DLGAP1: variants seen among roughly 807,000 people sequenced by gnomAD.
The protein encoded by DLGAP1 is disks large-associated protein 1.
A neutral mutation model predicts 90.8 loss-of-function variants in DLGAP1; 11 were observed. That is an observed-to-expected ratio of 0.12 (90% CI 0.08 to 0.20). DLGAP1 has a LOEUF of 0.20. Among genes scored for constraint, DLGAP1 ranks in the 10% least tolerant of loss-of-function variants. DLGAP1 has a pLI of 1.00. For missense variants in DLGAP1, 1,050 were observed against 1,333.8 expected (o/e 0.79, Z 3.31); for synonymous variants, 558 against 540.7 (o/e 1.03, Z -0.44).
intron 7 of DLGAP1, among the ~76,000 whole-genome samples, chr18:3,652,507 A>AT (rs113196269): frequency 0.3 from 45,849 of 151,644 alleles, 7,622 homozygotes; most frequent in African/African-American, 0.45. Context: ...TTTACAAAAT[A>AT]TTTTTTGTAG....
chr18:4,050,281 T>A (rs2075115055), intron 2 of DLGAP1, among the ~76,000 whole-genome samples: 1 of 152,196 alleles, frequency 6.6e-6, no homozygotes. Flanking sequence ...AAAAATGCTA[T>A]CATTCCAAGT....
At chr18:4,135,866 C>A (rs9962594) in intron 2 of DLGAP1, among the ~76,000 whole-genome samples, 15,349 of 134,060 alleles carry the variant, frequency 0.11, 2,439 homozygotes, top group African/African-American at 0.37. Flanking sequence ...TATTATTCTT[C>A]TTATTATTTT....
rs572689192 is a variant in DLGAP1 at position 4,071,580 on chromosome 18, C to T, written c.-158-66379G>A. On this transcript the variant is annotated intron_variant, in intron 2 of 12. Transcript: ENST00000315677. ...CTCAGGAAAACTACACAGCCATCAC[C>T]GCATTCTAAGGTAGAATTACCTCTA... Among the ~76,000 whole-genome samples the T allele has an allele frequency of 9.9e-5, 15 of 151,716 alleles. No homozygotes were observed. The East Asian group carries it at 2.9e-3, about 30-fold the overall frequency.
At chr18:3,533,797 G>T (rs1469328672) in intron 10 of DLGAP1, among the ~76,000 whole-genome samples, 2 of 152,116 alleles carry the variant, frequency 1.3e-5, no homozygotes, top group Admixed American at 1.3e-4. Flanking sequence ...TATAGTAGAT[G>T]TATATATTCA....
At chr18:3,882,153 C>T (rs2071188633) in intron 3 of DLGAP1, among the ~76,000 whole-genome samples, 1 of 124,358 alleles carries the variant, frequency 8.0e-6, no homozygotes. Context: ...CAAGAGCTTT[C>T]TCTAAACAAA....
At chr18:3,760,424 T>G (rs1305610838) in intron 5 of DLGAP1, among the ~76,000 whole-genome samples, 3 of 152,224 alleles carry the variant, frequency 2.0e-5, no homozygotes, top group South Asian at 2.1e-4. Flanking sequence ...GGAATTAGTT[T>G]CTTTTTTTGG....
chr18:4,247,913 T>C (rs960591106), intron 1 of DLGAP1, among the ~76,000 whole-genome samples: 1 of 152,212 alleles, frequency 6.6e-6, no homozygotes, highest in Non-Finnish European at 1.5e-5. Flanking sequence ...CACTCTTATT[T>C]CTATTTGATC....
intron 1 of DLGAP1, among the ~76,000 whole-genome samples, chr18:4,207,933 C>A (rs372906281): frequency 6.6e-6 from 1 of 152,112 alleles, no homozygotes; most frequent in East Asian, 1.9e-4. Flanking sequence ...AGAAATCATC[C>A]GCATTTTTTT....
chr18:3,549,834 T>C (rs748926007), intron 9 of DLGAP1, among the ~76,000 whole-genome samples: 1 of 152,204 alleles, frequency 6.6e-6, no homozygotes, highest in Non-Finnish European at 1.5e-5. Flanking sequence ...ATTCATATGT[T>C]GAAGTCCTAA....
intron 5 of DLGAP1, among the ~76,000 whole-genome samples, chr18:3,785,866 G>C (rs1408469298): frequency 6.6e-6 from 1 of 152,196 alleles, no homozygotes; most frequent in Non-Finnish European, 1.5e-5. Flanking sequence ...AGGTCAGAGA[G>C]ACCTTGAGGA....
intron 1 of DLGAP1, among the ~76,000 whole-genome samples, chr18:4,211,610 G>A: frequency 6.6e-6 from 1 of 152,076 alleles, no homozygotes; most frequent in Non-Finnish European, 1.5e-5. Context: ...GTACATATGA[G>A]CACAGATCCT....
intron 1 of DLGAP1, among the ~76,000 whole-genome samples, chr18:4,200,214 A>G (rs910788627): frequency 4.6e-5 from 7 of 151,998 alleles, no homozygotes; most frequent in Admixed American, 2.0e-4. Context: ...TTTTATTAGG[A>G]TTTTAACAAA....
chr18:4,126,570 T>C (rs765212118), intron 2 of DLGAP1, among the ~76,000 whole-genome samples: 8 of 152,218 alleles, frequency 5.3e-5, no homozygotes, highest in Non-Finnish European at 7.3e-5. Context: ...AATATATGTT[T>C]ATATGCAGGT....
At chr18:3,747,933 C>T (rs995445446) in intron 5 of DLGAP1, among the ~76,000 whole-genome samples, 6 of 152,168 alleles carry the variant, frequency 3.9e-5, no homozygotes, top group East Asian at 3.8e-4. Context: ...GATGCAGAAA[C>T]GCTCATTAAA....
chr18:4,142,809 T>C (rs1205954017), intron 2 of DLGAP1, among the ~76,000 whole-genome samples: 1 of 152,150 alleles, frequency 6.6e-6, no homozygotes, highest in Non-Finnish European at 1.5e-5. Flanking sequence ...GGCATATCTG[T>C]ATTAGGCGGT....
chr18:3,821,939 T>C, intron 4 of DLGAP1: 3 of 984,706 alleles, frequency 3.0e-6, no homozygotes, highest in Non-Finnish European at 3.6e-6. Flanking sequence ...GCTTTTCTGC[T>C]CCACACAGCT....
intron 6 of DLGAP1, among the ~76,000 whole-genome samples, chr18:3,735,531 A>G (rs1453594346): frequency 6.6e-6 from 1 of 152,150 alleles, no homozygotes; most frequent in Non-Finnish European, 1.5e-5. Context: ...CCCAAAATTC[A>G]TATTATATGT....
chr18:3,579,028 T>A (rs1466066283), intron 8 of DLGAP1, among the ~76,000 whole-genome samples: 3 of 152,150 alleles, frequency 2.0e-5, no homozygotes, highest in Admixed American at 6.5e-5. Flanking sequence ...TCTAGTTCCA[T>A]CCTACTGGGT....
chr18:3,748,134 A>T (rs1598576338), intron 5 of DLGAP1, among the ~76,000 whole-genome samples: 1 of 152,374 alleles, frequency 6.6e-6, no homozygotes, highest in East Asian at 1.9e-4. Flanking sequence ...ATGCTAAGTT[A>T]ACTTTTCCTA....
Sources: gnomAD v4.1 joint callset for allele counts (sites outside exome capture counted in the v4.1 genomes callset) on GRCh38, gnomAD v4.1.1 for gene constraint, MANE v1.5 for transcripts, NCBI Gene and HGNC (gene_info 2026-07-23, HGNC 2026-07-21) for gene names.